GRIA3: variants seen among roughly 807,000 people sequenced by gnomAD.
GRIA3 encodes glutamate ionotropic receptor AMPA type subunit 3, also known as glutamate receptor 3.
Under a neutral mutation model 63.0 loss-of-function variants are expected in GRIA3, and 3 were observed. That is an observed-to-expected ratio of 0.05 (90% confidence interval 0.02 to 0.12). The LOEUF (loss-of-function observed/expected upper bound fraction) is 0.12, where lower values mean the gene tolerates loss of function less well. Ranked by LOEUF, GRIA3 falls within the 10% of genes least tolerant of loss-of-function variation. The probability of loss-of-function intolerance (pLI) is 1.00; values close to 1 mark genes in which losing one functional copy is unlikely to be tolerated. For synonymous variants in GRIA3, 274 were observed against 257.9 expected (o/e 1.06, Z -0.60); for missense variants, 347 against 700.9 (o/e 0.50, Z 5.70).
At chrX:123,313,424 C>T (rs1489470781) in intron 3 of GRIA3, among the ~76,000 whole-genome samples, 2 of 111,162 alleles carry the variant, frequency 1.8e-5, no homozygotes, top group East Asian at 2.8e-4. Flanking sequence ...TTTGACAGCC[C>T]TCCAATGGTA....
chrX:123,320,443 A>C (rs2044860705), intron 3 of GRIA3, among the ~76,000 whole-genome samples: 1 of 111,875 alleles, frequency 8.9e-6, no homozygotes, highest in South Asian at 3.8e-4. Context: ...CACCTGGAAA[A>C]GGGAAGGGTG....
At chrX:123,324,206 T>C (rs977051922) in intron 3 of GRIA3, among the ~76,000 whole-genome samples, 4 of 112,087 alleles carry the variant, frequency 3.6e-5, no homozygotes, top group Non-Finnish European at 5.6e-5. Context: ...GACCAATGAG[T>C]AGAGATTACG....
chrX:123,286,860 T>C (rs900665091), intron 3 of GRIA3, among the ~76,000 whole-genome samples: 36 of 111,884 alleles, frequency 3.2e-4, no homozygotes, highest in African/African-American at 1.1e-3. Flanking sequence ...TACCATTCCT[T>C]CTGAAACTAT....
chrX:123,443,750 G>C (rs2045688563), intron 12 of GRIA3, among the ~76,000 whole-genome samples: 1 of 111,622 alleles, frequency 9.0e-6, no homozygotes, highest in African/African-American at 3.3e-5. Context: ...AATAGCCATA[G>C]ATATTAGTCA....
intron 2 of GRIA3, among the ~76,000 whole-genome samples, chrX:123,205,878 G>A (rs1437958239): frequency 8.9e-6 from 1 of 111,765 alleles, no homozygotes; most frequent in East Asian, 2.8e-4. Flanking sequence ...AAAGCAAGTA[G>A]ACAGTTTATT....
intron 5 of GRIA3, among the ~76,000 whole-genome samples, chrX:123,360,226 C>T (rs1030373387): frequency 9.0e-6 from 1 of 110,559 alleles, no homozygotes; most frequent in African/African-American, 3.3e-5. Flanking sequence ...TAGAGCACCT[C>T]GCTCTTCCCA....
intron 5 of GRIA3, among the ~76,000 whole-genome samples, chrX:123,364,365 G>A (rs1363133117): frequency 1.8e-5 from 2 of 111,644 alleles, no homozygotes; most frequent in African/African-American, 6.5e-5. Flanking sequence ...TGTAATCATT[G>A]GGAAGGGGGA....
chrX:123,290,680 C>A (rs949315821), intron 3 of GRIA3, among the ~76,000 whole-genome samples: 2 of 109,672 alleles, frequency 1.8e-5, no homozygotes, highest in Non-Finnish European at 3.8e-5. Flanking sequence ...TAATCATGTT[C>A]TCAATTTATA....
At chrX:123,404,520 C>CAA (rs374514027) in intron 9 of GRIA3, among the ~76,000 whole-genome samples, 188 bp from the exon 10 acceptor site, 3 of 65,515 alleles carry the variant, frequency 4.6e-5, no homozygotes, top group Non-Finnish European at 9.2e-5. Flanking sequence ...CTCCCCCTAC[C>CAA]AAAAAAAAAA....
chrX:123,254,220 C>A (rs2044406943), intron 3 of GRIA3, among the ~76,000 whole-genome samples: 1 of 111,681 alleles, frequency 9.0e-6, no homozygotes, highest in African/African-American at 3.3e-5. Context: ...TAAATATGCC[C>A]AGTCTCCTCT....
chrX:123,374,570 A>C lies in GRIA3; in HGVS notation c.750+19607A>C, dbSNP rs544960931. Reference sequence around the variant, plus strand: ...GTAGTTCTCCTTGAAGAGGTCCTTCACATCTCTTGTAAGTTGGATTCCTAG... The same window carrying C: ...GTAGTTCTCCTTGAAGAGGTCCTTCCCATCTCTTGTAAGTTGGATTCCTAG... On this transcript the variant is annotated intron_variant, in intron 5 of 15. Coordinates refer to ENST00000620443, the MANE Select transcript of GRIA3 (RefSeq NM_007325.5). 3.3e-4 allele frequency among the ~76,000 whole-genome samples: 37 copies of C among 111,770 alleles called. No homozygotes were observed. The South Asian group carries it at 0.011, about 33-fold the overall frequency.
intron 12 of GRIA3, among the ~76,000 whole-genome samples, chrX:123,463,550 CGAAG>C (rs1366354631): frequency 0.26 from 7,454 of 28,967 alleles, 1,634 homozygotes; most frequent in Middle Eastern, 0.32. Context: ...ACGAAAGAAG[CGAAG>C]GAAGGAAGGA....
Position 123,465,043 on chromosome X carries a change from C to T in GRIA3, c.2255C>T (p.Thr752Met). 8.3e-7 allele frequency: 1 copy of T among 1,207,563 alleles called. No homozygotes were observed. Among genetic ancestry groups the T allele is most frequent in the Non-Finnish European group, 1.1e-6 (1 of 892,077 alleles). Residue 752 changes from threonine to methionine, a missense_variant, in exon 13 of 16, where the codon ACG becomes ATG. Transcript: ENST00000620443. ...EYIEQRKPCD[T>M]MKVGGNLDSK... ...ATTGAGCAGAGAAAACCATGTGATA[C>T]GATGAAAGTTGGTGGAAATCTGGAT...
intron 5 of GRIA3, among the ~76,000 whole-genome samples, chrX:123,377,296 C>A (rs2147366351): frequency 8.9e-6 from 1 of 111,789 alleles, no homozygotes; most frequent in South Asian, 3.7e-4. Context: ...ATATTACTTT[C>A]TTTGCTGAAG....
chrX:123,195,945 C>T (rs746868947), intron 2 of GRIA3, among the ~76,000 whole-genome samples: 1 of 111,457 alleles, frequency 9.0e-6, no homozygotes, highest in Non-Finnish European at 1.9e-5. Context: ...TGACTGAGTG[C>T]CAGCTTGACT....
intron 3 of GRIA3, among the ~76,000 whole-genome samples, chrX:123,272,027 C>A: frequency 8.9e-6 from 1 of 111,933 alleles, no homozygotes; most frequent in Middle Eastern, 4.6e-3. Flanking sequence ...CATGCCTAAT[C>A]CCAAAGCCAT....
intron 4 of GRIA3, among the ~76,000 whole-genome samples, chrX:123,332,630 T>A (rs2044949021): frequency 9.0e-6 from 1 of 111,389 alleles, no homozygotes; most frequent in East Asian, 2.8e-4. Flanking sequence ...GTCATCAGAC[T>A]TCTTGATACC....
chrX:123,259,625 A>C (rs904365047), intron 3 of GRIA3, among the ~76,000 whole-genome samples: 4 of 112,038 alleles, frequency 3.6e-5, no homozygotes, highest in Non-Finnish European at 5.6e-5. Flanking sequence ...TTAAGCACTT[A>C]TTATGCACTA....
intron 3 of GRIA3, among the ~76,000 whole-genome samples, chrX:123,315,722 C>T (rs2044826580): frequency 1.8e-5 from 2 of 112,071 alleles, no homozygotes; most frequent in South Asian, 3.7e-4. Context: ...AAACCACCTT[C>T]ACACTCCATA....
Sources: allele counts gnomAD v4.1 joint callset (sites outside exome capture counted in the v4.1 genomes callset), GRCh38; gene constraint gnomAD v4.1.1; transcripts MANE v1.5; gene names NCBI Gene and HGNC (gene_info 2026-07-23, HGNC 2026-07-21).